Variants in FNBP1 observed in about 807,000 individuals in gnomAD.
The protein encoded by FNBP1 is formin-binding protein 1.
FNBP1 carries 26 observed loss-of-function variants against 90.6 expected under a neutral mutation model. The observed-to-expected ratio is 0.29, with a 90% CI of 0.21 to 0.40. FNBP1 has a LOEUF of 0.40. Among genes scored for constraint, FNBP1 ranks in the 10% least tolerant of loss-of-function variants. The pLI is 1.00. For missense variants in FNBP1, 635 were observed against 768.0 expected (o/e 0.83, Z 2.05); for synonymous variants, 260 against 265.2 (o/e 0.98, Z 0.19).
chr9:129,915,384 G>C (rs1047709823), intron 11 of FNBP1, among the ~76,000 whole-genome samples: 1 of 152,122 alleles, frequency 6.6e-6, no homozygotes, highest in Non-Finnish European at 1.5e-5. Flanking sequence ...TATATTTGGA[G>C]ACAGAGTCTT....
intron 4 of FNBP1, among the ~76,000 whole-genome samples, chr9:129,963,010 C>A (rs764001510): frequency 6.6e-6 from 1 of 152,128 alleles, no homozygotes; most frequent in Non-Finnish European, 1.5e-5. Flanking sequence ...AGAGAAAGAT[C>A]CCATTTCCTA....
chr9:129,940,816 G>C (rs34046381), intron 6 of FNBP1, among the ~76,000 whole-genome samples: 1 of 151,606 alleles, frequency 6.6e-6, no homozygotes, highest in Non-Finnish European at 1.5e-5. Context: ...TAGTAGAGAC[G>C]GGGTTTCACC....
chr9:130,035,042 G>T (rs1181160285), intron 1 of FNBP1, among the ~76,000 whole-genome samples: 1 of 152,098 alleles, frequency 6.6e-6, no homozygotes, highest in Non-Finnish European at 1.5e-5. Flanking sequence ...CCAGCTACTT[G>T]GGAGGCTGAG....
At chr9:130,034,971 A>AC (rs932817877) in intron 1 of FNBP1, among the ~76,000 whole-genome samples, 5 of 151,926 alleles carry the variant, frequency 3.3e-5, no homozygotes, top group Non-Finnish European at 7.4e-5. Flanking sequence ...GCATAGAAAG[A>AC]CCCCGTCTCT....
chr9:130,022,984 AC>A (rs1167537003), intron 1 of FNBP1, among the ~76,000 whole-genome samples: 4 of 152,188 alleles, frequency 2.6e-5, no homozygotes, highest in Non-Finnish European at 5.9e-5. Flanking sequence ...CTGTCAAAAA[AC>A]AAAAACAAAA....
chr9:130,049,270 T>G, the FNBP1 span, among the ~76,000 whole-genome samples: 6 of 152,264 alleles, frequency 3.9e-5, no homozygotes, highest in African/African-American at 1.2e-4. Context: ...ACAACTGTAA[T>G]CCCAGCTACC....
intron 2 of FNBP1, among the ~76,000 whole-genome samples, chr9:129,982,633 G>A (rs548192489): frequency 2.6e-5 from 4 of 152,162 alleles, no homozygotes; most frequent in African/African-American, 7.2e-5. Flanking sequence ...TTTCTAGTGC[G>A]TGGTTTATTT....
intron 13 of FNBP1, 71 bp downstream of exon 13, chr9:129,902,798 C>A: frequency 6.5e-7 from 1 of 1,527,872 alleles, no homozygotes; most frequent in East Asian, 2.3e-5. Context: ...GTCAGGGCCC[C>A]ACACCATTCT....
intron 10 of FNBP1, chr9:129,918,887 A>AC (rs2040663417): frequency 5.7e-6 from 1 of 176,486 alleles, no homozygotes; most frequent in African/African-American, 2.4e-5. Flanking sequence ...CAAAAAAAAA[A>AC]ACAAAAAAAC....
In FNBP1 at chr9:129,929,432, A is replaced by ATTAGTGG; in HGVS notation, c.642+134_642+135insCCACTAA. On this transcript the variant is annotated intron_variant, in intron 7 of 16. Transcript: ENST00000446176. Reference sequence around the variant, plus strand: ...CTCAAAAAAAAAAAAAAAAAAAAAAAAAATTAGTGGAAATTTGGAATTATA... The same window carrying ATTAGTGG: ...CTCAAAAAAAAAAAAAAAAAAAAAAATTAGTGGAAATTAGTGGAAATTTGGAATTATA... 8 of 811,318 alleles carry ATTAGTGG rather than the reference A, an allele frequency of 9.9e-6. No homozygotes were observed. The South Asian group carries it at 1.7e-4, about 17-fold the overall frequency. The allele number at this position is 811,318 out of a possible 1,614,324, so 50.3% of individuals were successfully genotyped here. A position where few individuals can be genotyped will look rare whatever the true frequency, so the allele number is the denominator to read the frequency against.
chr9:129,938,162 C>CA (rs2043768939), intron 6 of FNBP1, among the ~76,000 whole-genome samples: 1 of 151,548 alleles, frequency 6.6e-6, no homozygotes, highest in Non-Finnish European at 1.5e-5. Flanking sequence ...GACTCTGTCT[C>CA]AAAAAAATAA....
intron 13 of FNBP1, 39 bp downstream of exon 13, chr9:129,902,830 T>A (rs1158723025): frequency 6.2e-7 from 1 of 1,608,410 alleles, no homozygotes; most frequent in African/African-American, 1.3e-5. Flanking sequence ...CACCTGTTCT[T>A]CGTTTCCAAC....
rs185868443 is a variant in FNBP1, at chr9:129,927,650, C to T, written c.643-309G>A. ...TTGAGACGGAGTTTTGCTCTTGTCA[C>T]CCAGGCTGGAGTGCAGTGGTGTGAT... On this transcript the variant is annotated intron_variant, in intron 7 of 16. Coordinates refer to ENST00000446176, the MANE Select transcript of FNBP1 (RefSeq NM_015033.3). 7.7e-3 allele frequency among the ~76,000 whole-genome samples: 1,168 copies of T among 152,096 alleles called. 9 individuals are homozygous for T. Among genetic ancestry groups the T allele is most frequent in the Non-Finnish European group, 0.012 (823 of 68,000 alleles).
upstream of FNBP1, chr9:130,044,968 T>G (rs1337684215): frequency 6.6e-6 from 1 of 151,934 alleles, no homozygotes; most frequent in African/African-American, 2.4e-5. Context: ...TAATAATAAA[T>G]TAAGAGGTGG....
At chr9:130,002,085 T>G (rs894467772) in intron 1 of FNBP1, among the ~76,000 whole-genome samples, 7 of 142,814 alleles carry the variant, frequency 4.9e-5, no homozygotes, top group African/African-American at 1.9e-4. Flanking sequence ...TCCTAGCTAC[T>G]CGGGAGGCTG....
intron 16 of FNBP1, among the ~76,000 whole-genome samples, chr9:129,894,991 C>T (rs970747391): frequency 3.3e-5 from 5 of 151,898 alleles, no homozygotes; most frequent in African/African-American, 9.7e-5. Context: ...CTGGGGGAGG[C>T]GGAGGTTGCA....
chr9:130,052,614 A>G, the FNBP1 span, among the ~76,000 whole-genome samples: 33 of 151,704 alleles, frequency 2.2e-4, no homozygotes, highest in Middle Eastern at 3.4e-3. Context: ...TTGTATTTTT[A>G]GTAGAGACGA....
chr9:129,947,531 G>A (rs1260683794), intron 6 of FNBP1, among the ~76,000 whole-genome samples: 1 of 152,000 alleles, frequency 6.6e-6, no homozygotes, highest in African/African-American at 2.4e-5. Flanking sequence ...ATCTATACCC[G>A]CATACCTTGC....
intron 10 of FNBP1, chr9:129,919,099 G>GT (rs2040711734): frequency 2.1e-5 from 14 of 667,214 alleles, no homozygotes; most frequent in South Asian, 1.9e-4. Flanking sequence ...TCTTGGTGCT[G>GT]TGAATGGGGT....
Sources: gnomAD v4.1 joint callset for allele counts (sites outside exome capture counted in the v4.1 genomes callset) on GRCh38, gnomAD v4.1.1 for gene constraint, MANE v1.5 for transcripts, NCBI Gene and HGNC (gene_info 2026-07-23, HGNC 2026-07-21) for gene names.